LNP1: variants seen among roughly 807,000 people sequenced by gnomAD.
LNP1 encodes the protein leukemia NUP98 fusion partner 1.
LNP1 carries 12 observed loss-of-function variants against 14.5 expected under a neutral mutation model. The ratio of observed to expected loss-of-function variants is 0.83; its 90% CI spans 0.53 to 1.34. LNP1 has a LOEUF of 1.34. Among genes scored for constraint, LNP1 ranks in the 40% most tolerant of loss-of-function variants. The pLI is 0.00. For synonymous variants in LNP1, 75 were observed against 71.4 expected, an observed-to-expected ratio of 1.05 and a Z score of -0.26; for missense variants, 198 against 210.9, an observed-to-expected ratio of 0.94 and a Z score of 0.38.
rs1487971052 is a variant in LNP1, at chr3:100,402,096, T to C, written c.-377T>C. 1 of 152,230 alleles carries C rather than the reference T, an allele frequency of 6.6e-6. No individual in the cohort carries two copies. Among genetic ancestry groups the C allele is most frequent in the Non-Finnish European group, 1.5e-5 (1 of 68,044 alleles). 9.4% of individuals were successfully genotyped at this position (152,230 alleles called of 1,614,324 possible). On this transcript the variant is annotated 5_prime_UTR_variant, in exon 1 of 4. Coordinates refer to ENST00000383693, the MANE Select transcript of LNP1 (RefSeq NM_001085451.2). ...TCAGTTCACAGCTTTTTATCTATAA[T>C]AGCTTTATCAACTCTTTTTCCGATG...
intron 2 of LNP1, among the ~76,000 whole-genome samples, chr3:100,438,435 A>G (rs1707312394): frequency 6.6e-6 from 1 of 152,094 alleles, no homozygotes; most frequent in South Asian, 2.1e-4. Flanking sequence ...AGAGCGGTAT[A>G]TTTGTTTCAA....
At chr3:100,426,190 T>A (rs1005200707) in intron 1 of LNP1, among the ~76,000 whole-genome samples, 4 of 152,166 alleles carry the variant, frequency 2.6e-5, no homozygotes, top group Admixed American at 1.3e-4. Flanking sequence ...CCCGTAGGCA[T>A]CTGCAAGTGA....
intron 1 of LNP1, among the ~76,000 whole-genome samples, chr3:100,415,831 T>G (rs1014602446): frequency 5.9e-5 from 9 of 152,210 alleles, no homozygotes; most frequent in Non-Finnish European, 1.3e-4. Context: ...CTTAGAAGCT[T>G]CTTCTATGAC....
intron 1 of LNP1, among the ~76,000 whole-genome samples, chr3:100,427,383 G>A (rs559157949): frequency 3.9e-5 from 6 of 152,198 alleles, no homozygotes; most frequent in Admixed American, 1.3e-4. Flanking sequence ...AGCAGCCAAG[G>A]AATCTAATGA....
intron 1 of LNP1, among the ~76,000 whole-genome samples, chr3:100,416,298 C>T (rs1707082887): frequency 6.6e-6 from 1 of 152,066 alleles, no homozygotes; most frequent in African/African-American, 2.4e-5. Context: ...ACAAAAAAGC[C>T]CTAGTTGTCA....
chr3:100,401,907 T>G lies in LNP1; in HGVS notation c.-566T>G, dbSNP rs572772161. ...GTTTCTTAAACTGAGTTGGTAGAAATGCGAAGCGTCAGGGTTCCCGCCGGC... is the reference window on the plus strand; with the variant it reads ...GTTTCTTAAACTGAGTTGGTAGAAAGGCGAAGCGTCAGGGTTCCCGCCGGC... On this transcript the variant is annotated 5_prime_UTR_variant, in exon 1 of 4. An upstream start codon of the reference 5' UTR is lost. Coordinates refer to ENST00000383693, the MANE Select transcript of LNP1 (RefSeq NM_001085451.2). 2.0e-5 allele frequency: 3 copies of G among 152,292 alleles called. No individual in the cohort carries two copies. Among genetic ancestry groups the G allele is most frequent in the African/African-American group, 7.2e-5 (3 of 41,554 alleles). The allele number at this position is 152,292 out of a possible 1,614,324, so 9.4% of individuals were successfully genotyped here. A position where few individuals can be genotyped will look rare whatever the true frequency, so the allele number is the denominator to read the frequency against.
At chr3:100,410,197 G>C (rs1707015959) in intron 1 of LNP1, among the ~76,000 whole-genome samples, 2 of 152,166 alleles carry the variant, frequency 1.3e-5, no homozygotes, top group South Asian at 4.1e-4. Context: ...TGAGGGAAGT[G>C]TTGGTAGAAA....
chr3:100,452,196 T>C (rs1285031288), intron 3 of LNP1, among the ~76,000 whole-genome samples: 1 of 146,294 alleles, frequency 6.8e-6, no homozygotes, highest in African/African-American at 2.7e-5. Context: ...CTTCTAGTTT[T>C]TCTTTCTTTT....
chr3:100,446,240 A>G (rs1179111153), intron 2 of LNP1, among the ~76,000 whole-genome samples: 1 of 152,256 alleles, frequency 6.6e-6, no homozygotes, highest in African/African-American at 2.4e-5. Context: ...TGGTACTTGT[A>G]CCAAAACAGA....
At chr3:100,426,402 C>T (rs1707193081) in intron 1 of LNP1, among the ~76,000 whole-genome samples, 1 of 152,180 alleles carries the variant, frequency 6.6e-6, no homozygotes, top group Admixed American at 6.5e-5. Flanking sequence ...AACTAGCTAG[C>T]AACTTTTCCT....
intron 1 of LNP1, among the ~76,000 whole-genome samples, chr3:100,414,249 C>T (rs938056004): frequency 6.6e-6 from 1 of 152,028 alleles, no homozygotes; most frequent in Non-Finnish European, 1.5e-5. Flanking sequence ...ATGGTTTAAT[C>T]AAGGTTAATG....
chr3:100,418,107 T>G (rs567544794), intron 1 of LNP1, among the ~76,000 whole-genome samples: 140 of 150,540 alleles, frequency 9.3e-4, no homozygotes, highest in African/African-American at 3.3e-3. Flanking sequence ...TCGCCCTGGC[T>G]GGAGTGCAGT....
chr3:100,406,620 C>T (rs925996858), intron 1 of LNP1, among the ~76,000 whole-genome samples: 21 of 152,164 alleles, frequency 1.4e-4, no homozygotes, highest in African/African-American at 3.6e-4. Flanking sequence ...CTGCAACCTC[C>T]GCCTCCCGGG....
At chr3:100,417,730 C>A (rs565365741) in intron 1 of LNP1, among the ~76,000 whole-genome samples, 1 of 152,076 alleles carries the variant, frequency 6.6e-6, no homozygotes, top group South Asian at 2.1e-4. Flanking sequence ...TTCAGGAAAG[C>A]GTTTATTTGA....
chr3:100,407,752 C>T (rs552006154), intron 1 of LNP1, among the ~76,000 whole-genome samples: 2 of 152,272 alleles, frequency 1.3e-5, no homozygotes, highest in East Asian at 1.9e-4. Flanking sequence ...GATACTATCC[C>T]ATAAACCCTA....
chr3:100,437,444 G>A (rs1269814116), intron 2 of LNP1, among the ~76,000 whole-genome samples: 1 of 152,132 alleles, frequency 6.6e-6, no homozygotes, highest in East Asian at 1.9e-4. Flanking sequence ...GTGTGACCAA[G>A]CAGGGTCTGT....
chr3:100,445,393 C>T (rs903943973), intron 2 of LNP1, among the ~76,000 whole-genome samples: 4 of 152,142 alleles, frequency 2.6e-5, no homozygotes, highest in Non-Finnish European at 5.9e-5. Context: ...TAATTTCTGG[C>T]CCTGGGTCTC....
chr3:100,437,032 G>A (rs946728201), intron 2 of LNP1, among the ~76,000 whole-genome samples: 1 of 152,202 alleles, frequency 6.6e-6, no homozygotes, highest in African/African-American at 2.4e-5. Flanking sequence ...GGACTTCCTA[G>A]CCTCCAGAAC....
chr3:100,435,798 A>G (rs1707289122), intron 2 of LNP1, among the ~76,000 whole-genome samples: 1 of 152,208 alleles, frequency 6.6e-6, no homozygotes, highest in Non-Finnish European at 1.5e-5. Flanking sequence ...GAACAAACAT[A>G]CATGTAGCAT....
Sources: allele counts gnomAD v4.1 joint callset (sites outside exome capture counted in the v4.1 genomes callset), GRCh38; gene constraint gnomAD v4.1.1; transcripts MANE v1.5; gene names NCBI Gene and HGNC (gene_info 2026-07-23, HGNC 2026-07-21).